Variants in PKHD1 observed in about 807,000 individuals in gnomAD.
PKHD1 encodes fibrocystin.
A neutral mutation model predicts 412.0 loss-of-function variants in PKHD1; 291 were observed. That is an observed-to-expected ratio of 0.71 (90% CI 0.64 to 0.78). The LOEUF (loss-of-function observed/expected upper bound fraction) is 0.78. PKHD1 is among the 30% of genes least tolerant of loss of function. The probability of loss-of-function intolerance (pLI) is 0.00; values close to 1 mark genes in which losing one functional copy is unlikely to be tolerated. For missense variants in PKHD1, 4,825 were observed against 4,950.7 expected, an observed-to-expected ratio of 0.97 and a Z score of 0.76; for synonymous variants, 1,777 against 1,821.5, an observed-to-expected ratio of 0.98 and a Z score of 0.62.
At position 52,026,176 on chromosome 6, in the gene PKHD1, T is replaced by A. The variant is rs1428362152; in HGVS notation, c.3634A>T (p.Thr1212Ser). 1.9e-6 allele frequency: 3 copies of A among 1,613,738 alleles called. No individual in the cohort carries two copies. In the East Asian group the frequency reaches 6.7e-5, roughly 36 times the overall value. Residue 1212 changes from threonine to serine, a missense_variant, in exon 32 of 67, where the codon ACC becomes TCC. Transcript: ENST00000371117. ...EPCCGSLLGGTILSISGIGFS... is the reference protein window; with the variant it reads ...EPCCGSLLGGSILSISGIGFS... ...CCTATTCCTGAGATGCTGAGGATGG[T>A]CCCTCCTAAAGTATGAATACGGAAA...
At chr6:51,736,449 G>C (rs1003435531) in intron 60 of PKHD1, among the ~76,000 whole-genome samples, 1 of 152,128 alleles carries the variant, frequency 6.6e-6, no homozygotes, top group African/African-American at 2.4e-5. Flanking sequence ...ACTAGAAGCC[G>C]TATCCCCCCC....
chr6:51,697,507 A>C (rs1179959301), intron 60 of PKHD1, among the ~76,000 whole-genome samples: 5 of 152,192 alleles, frequency 3.3e-5, no homozygotes, highest in Admixed American at 6.5e-5. Context: ...TTGAAGTGGA[A>C]AATTGTATGA....
chr6:51,780,646 G>C (rs1163813184), intron 53 of PKHD1, among the ~76,000 whole-genome samples: 7 of 151,968 alleles, frequency 4.6e-5, no homozygotes, highest in African/African-American at 1.7e-4. Flanking sequence ...ACAAGAATGA[G>C]ATCTCACTAC....
At position 51,753,167 on chromosome 6, in the gene PKHD1, C is replaced by T. The variant is rs1786383761; in HGVS notation, c.8950+34G>A. ...GGTGTCCCAGATGAATAGGCTCCAA[C>T]TGGTAATGGCCAATTACTTAAAATT... is the stretch of plus-strand genomic sequence containing the variant. On this transcript the variant is annotated intron_variant, in intron 57 of 66. Transcript: ENST00000371117. 10 of 1,600,826 alleles carry T rather than the reference C, an allele frequency of 6.2e-6. No homozygotes were observed. The East Asian group carries it at 2.2e-4, about 36-fold the overall frequency.
chr6:52,047,865 T>C (rs1488596347), intron 23 of PKHD1, among the ~76,000 whole-genome samples: 1 of 152,210 alleles, frequency 6.6e-6, no homozygotes, highest in Non-Finnish European at 1.5e-5. Context: ...TGTTAACTTA[T>C]AAAGCAAAAT....
At chr6:51,899,229 A>G (rs1358181051) in intron 43 of PKHD1, among the ~76,000 whole-genome samples, 1 of 149,396 alleles carries the variant, frequency 6.7e-6, no homozygotes, top group Non-Finnish European at 1.5e-5. Context: ...AGAACTTTAC[A>G]CCAATATCCT....
chr6:51,699,462 C>A (rs1779167814), intron 60 of PKHD1, among the ~76,000 whole-genome samples: 1 of 152,178 alleles, frequency 6.6e-6, no homozygotes, highest in African/African-American at 2.4e-5. Context: ...CTTATCCACA[C>A]TCTTGATGAA....
At chr6:52,043,346 A>G (rs888324987) in intron 26 of PKHD1, among the ~76,000 whole-genome samples, 10 of 152,226 alleles carry the variant, frequency 6.6e-5, no homozygotes, top group African/African-American at 2.4e-4. Context: ...ACTAGTGAGA[A>G]GTGATCACTG....
intron 52 of PKHD1, among the ~76,000 whole-genome samples, chr6:51,814,034 T>G (rs1165391062): frequency 6.6e-6 from 1 of 152,192 alleles, no homozygotes; most frequent in African/African-American, 2.4e-5. Context: ...GTGATTTCCA[T>G]GCAAACTGCT....
At chr6:51,748,780 T>C in intron 57 of PKHD1, 115 bp from the exon 58 acceptor site, 1 of 841,384 alleles carries the variant, frequency 1.2e-6, no homozygotes, top group South Asian at 1.4e-5. Context: ...AAGTTTATTC[T>C]CAACACCAAC....
At chr6:51,756,612 C>G (rs1207402370) in intron 55 of PKHD1, among the ~76,000 whole-genome samples, 1 of 152,076 alleles carries the variant, frequency 6.6e-6, no homozygotes, top group Admixed American at 6.6e-5. Flanking sequence ...TTTCAAAAAG[C>G]AGGACGTAAA....
At chr6:51,786,940 A>C (rs2151229547) in intron 53 of PKHD1, among the ~76,000 whole-genome samples, 1 of 152,324 alleles carries the variant, frequency 6.6e-6, no homozygotes, top group South Asian at 2.1e-4. Flanking sequence ...TGAGTTTGGC[A>C]TTTGTGATGC....
At position 51,705,545 on chromosome 6, in the gene PKHD1, A is replaced by G. The variant is rs567315960; in HGVS notation, c.10156+38840T>C. ...TGCACAAGTAGAGACCCTGTATTAG[A>G]GCTACTCCTCAGAACTCCACGATAC... On this transcript the variant is annotated intron_variant, in intron 60 of 66. Coordinates refer to ENST00000371117, the MANE Select transcript of PKHD1 (RefSeq NM_138694.4). 7.9e-5 allele frequency among the ~76,000 whole-genome samples: 12 copies of G among 152,228 alleles called. 1 individual carries two copies. Among genetic ancestry groups the G allele is most frequent in the African/African-American group, 2.6e-4 (11 of 41,534 alleles).
intron 43 of PKHD1, among the ~76,000 whole-genome samples, chr6:51,900,234 C>CAA (rs1781005929): frequency 6.6e-6 from 1 of 152,160 alleles, no homozygotes; most frequent in South Asian, 2.1e-4. Context: ...GCCAAAAGAA[C>CAA]AAAGCTGGAG....
chr6:51,761,565 A>T (rs965025949), intron 55 of PKHD1, among the ~76,000 whole-genome samples: 2 of 152,106 alleles, frequency 1.3e-5, no homozygotes, highest in Admixed American at 1.3e-4. Flanking sequence ...TGTATTCTTT[A>T]AAAATGCTGA....
At chr6:52,072,383 T>C (rs1342849719) in intron 7 of PKHD1, among the ~76,000 whole-genome samples, 194 bp from the exon 8 acceptor site, 1 of 152,212 alleles carries the variant, frequency 6.6e-6, no homozygotes, top group Admixed American at 6.5e-5. Context: ...TCATGGCTCA[T>C]GCTTTCACAC....
rs749194592 is a variant in PKHD1 at position 52,055,634 on chromosome 6, T to A, written c.1789A>T (p.Thr597Ser). The A allele has an allele frequency of 6.2e-7, 1 of 1,613,422 alleles. No individual in the cohort carries two copies. The highest frequency in any genetic ancestry group is 2.2e-5 in the East Asian group (1 of 44,852). Residue 597 changes from threonine to serine, a missense_variant, in exon 19 of 67, where the codon ACT (threonine) becomes TCT (serine). Transcript: ENST00000371117. ...TAGCCCTTCTGGGCAGCCGGGGGAGTAAGGACAAGGTGTCGAGGCTGACGG... is the reference window on the plus strand; with the variant it reads ...TAGCCCTTCTGGGCAGCCGGGGGAGAAAGGACAAGGTGTCGAGGCTGACGG... Reference protein sequence around the residue: ...SLRQPRHLVLTPPAAQKGYRL... With the variant: ...SLRQPRHLVLSPPAAQKGYRL...
In PKHD1 at chr6:51,816,685, C is replaced by CA. The variant is rs563750819; in HGVS notation, c.8302+14175dup. ...GGCGACCAACTGATCAAACTGTGTG[C>CA]AAAAAAGGCAAATGCTAAGCTGTAA... On this transcript the variant is annotated intron_variant, in intron 52 of 66. Coordinates refer to ENST00000371117, the MANE Select transcript of PKHD1 (RefSeq NM_138694.4). Among the ~76,000 whole-genome samples, 273 of 152,240 alleles carry CA rather than the reference C, an allele frequency of 1.8e-3. 4 individuals are homozygous for CA. Among genetic ancestry groups the CA allele is most frequent in the African/African-American group, 6.0e-3 (250 of 41,546 alleles).
At chr6:52,012,510 C>T (rs2128121346) in intron 34 of PKHD1, among the ~76,000 whole-genome samples, 1 of 152,336 alleles carries the variant, frequency 6.6e-6, no homozygotes, top group East Asian at 1.9e-4. Context: ...TAAATCCATC[C>T]TTTGCTCCTG....
Sources: allele counts gnomAD v4.1 joint callset (sites outside exome capture counted in the v4.1 genomes callset), GRCh38; gene constraint gnomAD v4.1.1; transcripts MANE v1.5; gene names NCBI Gene and HGNC (gene_info 2026-07-23, HGNC 2026-07-21).